MTA3: variants seen among roughly 807,000 people sequenced by gnomAD.
The protein encoded by MTA3 is metastasis-associated protein MTA3.
In MTA3, 34 loss-of-function variants were observed where a neutral mutation model predicts 83.5. The observed-to-expected ratio is 0.41, with a 90% CI of 0.31 to 0.54. The LOEUF (loss-of-function observed/expected upper bound fraction) is 0.54, where lower values mean the gene tolerates loss of function less well. Among genes scored for constraint, MTA3 ranks in the 20% least tolerant of loss-of-function variants. The probability of loss-of-function intolerance (pLI) is 0.33; values close to 1 mark genes in which losing one functional copy is unlikely to be tolerated. For synonymous variants in MTA3, 303 were observed against 252.7 expected (o/e 1.20, Z -1.89); for missense variants, 761 against 726.4 (o/e 1.05, Z -0.55).
At chr2:42,702,436 C>T (rs562008114) in intron 11 of MTA3, 8 of 152,232 alleles carry the variant, frequency 5.3e-5, no homozygotes, top group African/African-American at 1.7e-4. Context: ...TGCTGTCAGG[C>T]CAGACCAACT....
At chr2:42,503,602 G>A (rs546950301) in intron 2 of MTA3, among the ~76,000 whole-genome samples, 1 of 152,234 alleles carries the variant, frequency 6.6e-6, no homozygotes, top group South Asian at 2.1e-4. Flanking sequence ...TTACTTCTCA[G>A]GACTAGCTAG....
intron 8 of MTA3, among the ~76,000 whole-genome samples, chr2:42,666,502 T>G (rs1018702940): frequency 6.6e-6 from 1 of 152,182 alleles, no homozygotes; most frequent in Non-Finnish European, 1.5e-5. Flanking sequence ...CCTTTGGTTT[T>G]GTGTCTTGCC....
At chr2:42,711,070 G>T (rs1255873201) in intron 14 of MTA3, among the ~76,000 whole-genome samples, 1 of 149,662 alleles carries the variant, frequency 6.7e-6, no homozygotes, top group Non-Finnish European at 1.5e-5. Context: ...CACAGACTCC[G>T]CATTAAAAAA....
At chr2:42,604,768 A>G (rs1428966587) in intron 3 of MTA3, among the ~76,000 whole-genome samples, 4 of 147,206 alleles carry the variant, frequency 2.7e-5, no homozygotes, top group African/African-American at 1.0e-4. Context: ...ACTTGAGATT[A>G]GGGATTGGTG....
chr2:42,631,450 G>A (rs1022327454), intron 4 of MTA3, among the ~76,000 whole-genome samples: 1 of 152,082 alleles, frequency 6.6e-6, no homozygotes, highest in Non-Finnish European at 1.5e-5. Flanking sequence ...AAGAGCATTT[G>A]GGTTAGATGC....
intron 4 of MTA3, among the ~76,000 whole-genome samples, chr2:42,623,673 T>A (rs1265553774): frequency 6.6e-6 from 1 of 151,844 alleles, no homozygotes; most frequent in Non-Finnish European, 1.5e-5. Context: ...CCATGCCCCT[T>A]GAGTTTTCAT....
intron 6 of MTA3, among the ~76,000 whole-genome samples, chr2:42,652,217 G>C (rs574389912): frequency 7.9e-5 from 12 of 152,182 alleles, no homozygotes; most frequent in Non-Finnish European, 1.5e-4. Context: ...CCTTCAGAAA[G>C]GTGTAGCTTG....
At chr2:42,568,975 C>T (rs1210520051) in intron 1 of MTA3, among the ~76,000 whole-genome samples, 1 of 151,902 alleles carries the variant, frequency 6.6e-6, no homozygotes, top group Admixed American at 6.5e-5. Flanking sequence ...TCGCGAGGGC[C>T]CGGGGCCACC....
chr2:42,547,177 T>C (rs1369445003), intron 2 of MTA3, among the ~76,000 whole-genome samples: 1 of 152,160 alleles, frequency 6.6e-6, no homozygotes, highest in East Asian at 1.9e-4. Flanking sequence ...CTGAATTAAA[T>C]GAACAATTCG....
rs199881187 is a variant in MTA3 at position 42,656,235 on chromosome 2, G to A, written c.535G>A (p.Val179Ile). 329 of 1,613,790 alleles carry A rather than the reference G, an allele frequency of 2.0e-4. No homozygotes were observed. Among genetic ancestry groups the A allele is most frequent in the Non-Finnish European group, 2.7e-4 (317 of 1,179,760 alleles). ...TGAGAGGGAACAATCAAAATTGGAA[G>A]TTAAAGTTTGGGATCCAAATAGCCC... ...SDEREQSKLE[V>I]KVWDPNSPLT... Residue 179 changes from valine (V) to isoleucine (I), a missense_variant, in exon 7 of 17, where the codon GTT becomes ATT. Physicochemically the swap from Val to Ile is conservative, Grantham distance 29. Coordinates refer to ENST00000405094, the MANE Select transcript of MTA3 (RefSeq NM_001330442.2).
chr2:42,503,160 C>T (rs990158562), intron 2 of MTA3, among the ~76,000 whole-genome samples: 3 of 152,166 alleles, frequency 2.0e-5, no homozygotes, highest in Non-Finnish European at 4.4e-5. Context: ...CCAAGGGCTG[C>T]TGGTTGCCCA....
chr2:42,648,695 C>A (rs1396581102), intron 6 of MTA3, among the ~76,000 whole-genome samples: 2 of 152,028 alleles, frequency 1.3e-5, no homozygotes, highest in African/African-American at 4.8e-5. Flanking sequence ...ACATCTTTCA[C>A]TGAGTTTGAA....
intron 4 of MTA3, among the ~76,000 whole-genome samples, chr2:42,621,998 G>A (rs1224840951): frequency 3.0e-4 from 45 of 152,294 alleles, no homozygotes; most frequent in African/African-American, 9.6e-4. Context: ...CTTCCCAGAC[G>A]GGGTGGCGGC....
intron 2 of MTA3, among the ~76,000 whole-genome samples, chr2:42,495,421 T>G (rs1006200994): frequency 2.6e-5 from 4 of 152,178 alleles, no homozygotes; most frequent in Non-Finnish European, 5.9e-5. Flanking sequence ...ACTAAATAGT[T>G]TGCTATTCAG....
intron 2 of MTA3, among the ~76,000 whole-genome samples, chr2:42,502,812 A>AAAAAAAT (rs1674455539): frequency 6.6e-6 from 1 of 150,446 alleles, no homozygotes; most frequent in African/African-American, 2.4e-5. Flanking sequence ...AAAAAAAAAA[A>AAAAAAAT]ATTAGCCGGG....
chr2:42,594,720 ATATATATATTT>A (rs1391488213), intron 3 of MTA3, among the ~76,000 whole-genome samples: 8 of 37,380 alleles, frequency 2.1e-4, no homozygotes, highest in African/African-American at 1.5e-3. Flanking sequence ...ATATATATAT[ATATATATATTT>A]TTTTTTTTTT....
At chr2:42,666,083 C>T (rs1573537907) in intron 8 of MTA3, among the ~76,000 whole-genome samples, 1 of 152,166 alleles carries the variant, frequency 6.6e-6, no homozygotes, top group African/African-American at 2.4e-5. Context: ...TGAGACCATC[C>T]TGGCTAACAC....
At chr2:42,571,686 G>A (rs982604839) in intron 2 of MTA3, among the ~76,000 whole-genome samples, 5 of 152,062 alleles carry the variant, frequency 3.3e-5, no homozygotes, top group African/African-American at 9.7e-5. Flanking sequence ...GGTGGCTCAC[G>A]CCTGTAATCC....
chr2:42,658,593 A>G (rs73930448), intron 7 of MTA3, among the ~76,000 whole-genome samples: 48,947 of 151,924 alleles, frequency 0.32, 8,195 homozygotes, highest in African/African-American at 0.4. Context: ...AGCAAAACTA[A>G]TCTGTGGTGC....
Sources: gnomAD v4.1 joint callset for allele counts (sites outside exome capture counted in the v4.1 genomes callset) on GRCh38, gnomAD v4.1.1 for gene constraint, MANE v1.5 for transcripts, NCBI Gene and HGNC (gene_info 2026-07-23, HGNC 2026-07-21) for gene names.